ANO2: variants seen among roughly 807,000 people sequenced by gnomAD.
ANO2 encodes the protein anoctamin 2, also known as anoctamin-2.
Under a neutral mutation model 124.2 loss-of-function variants are expected in ANO2, and 101 were observed. The ratio of observed to expected loss-of-function variants is 0.81; its 90% CI spans 0.69 to 0.96. The LOEUF is 0.96. Among genes scored for constraint, ANO2 ranks in the 40% least tolerant of loss-of-function variants. ANO2 has a pLI of 0.00. For missense variants in ANO2, 1,293 were observed against 1,274.5 expected (o/e 1.01, Z -0.22); for synonymous variants, 486 against 482.5 (o/e 1.01, Z -0.09).
intron 3 of ANO2, 34 bp from the exon 4 acceptor site, chr12:5,854,175 C>T (rs1178355980): frequency 3.2e-6 from 5 of 1,573,136 alleles, no homozygotes; most frequent in South Asian, 1.1e-5. Flanking sequence ...AATGGAAACA[C>T]TTGTAAGGAC....
At chr12:5,736,561 A>G (rs1329998699) in intron 13 of ANO2, among the ~76,000 whole-genome samples, 1 of 152,196 alleles carries the variant, frequency 6.6e-6, no homozygotes, top group Non-Finnish European at 1.5e-5. Flanking sequence ...CCAGTGCCCA[A>G]GTAACATCTG....
chr12:5,794,717 TA>T (rs1301851304), intron 10 of ANO2, among the ~76,000 whole-genome samples: 1 of 152,210 alleles, frequency 6.6e-6, no homozygotes, highest in Non-Finnish European at 1.5e-5. Context: ...TCCTAGATCT[TA>T]AAGGCCATAA....
intron 7 of ANO2, among the ~76,000 whole-genome samples, chr12:5,821,397 C>A (rs749582202): frequency 1.3e-5 from 2 of 152,160 alleles, no homozygotes; most frequent in African/African-American, 4.8e-5. Context: ...TGTGTTACTC[C>A]GGCCCGTTTA....
chr12:5,681,323 C>G (rs960584874), intron 14 of ANO2, among the ~76,000 whole-genome samples: 1 of 152,176 alleles, frequency 6.6e-6, no homozygotes, highest in Non-Finnish European at 1.5e-5. Context: ...AGGTTGGTCC[C>G]TCTACCACTC....
chr12:5,874,631 C>T (rs190135971), intron 3 of ANO2, among the ~76,000 whole-genome samples: 186 of 152,306 alleles, frequency 1.2e-3, no homozygotes, highest in Admixed American at 1.7e-3. Context: ...GTGCCTCATG[C>T]GACTTGCTGT....
At chr12:5,599,433 A>G in intron 20 of ANO2, 51 bp downstream of exon 20, 2 of 1,555,954 alleles carry the variant, frequency 1.3e-6, no homozygotes, top group Non-Finnish European at 1.7e-6. Context: ...AACCCCACAG[A>G]CCCCTTGTCT....
rs368638922 is a variant in ANO2 at position 5,658,472 on chromosome 12, TATCATC to T, written c.1546-10677_1546-10672del. ...ATCAACATCATCATCATATCATCAC[TATCATC>T]ATCATCATCAATATCATCGTATCAA... On this transcript the variant is annotated intron_variant, in intron 14 of 24. Transcript: ENST00000682330. This position sits in a 1 kb window ranked among gnomAD's most constrained non-coding sequence, Gnocchi z 4.3. Among the ~76,000 whole-genome samples, 1 of 151,860 alleles carries T rather than the reference TATCATC, an allele frequency of 6.6e-6. No individual in the cohort carries two copies. The highest frequency in any genetic ancestry group is 1.5e-5 in the Non-Finnish European group (1 of 67,956).
intron 3 of ANO2, among the ~76,000 whole-genome samples, chr12:5,863,202 T>A (rs1000266198): frequency 1.3e-5 from 2 of 152,076 alleles, no homozygotes; most frequent in African/African-American, 4.8e-5. Flanking sequence ...CTCCAACATA[T>A]CAAGGGTGAG....
intron 20 of ANO2, among the ~76,000 whole-genome samples, chr12:5,580,908 AG>A (rs199924302): frequency 0.012 from 1,770 of 152,272 alleles, 34 homozygotes; most frequent in South Asian, 0.063. Context: ...CGAAATACAC[AG>A]ATTTGTCAAG....
At chr12:5,719,039 T>G (rs1665117919) in intron 14 of ANO2, among the ~76,000 whole-genome samples, 1 of 152,202 alleles carries the variant, frequency 6.6e-6, no homozygotes, top group Non-Finnish European at 1.5e-5. Flanking sequence ...TAGCTCCGTG[T>G]ATTAAATTCC....
intron 10 of ANO2, among the ~76,000 whole-genome samples, chr12:5,770,282 G>A (rs566987042): frequency 2.6e-5 from 4 of 152,282 alleles, no homozygotes; most frequent in Admixed American, 2.0e-4. Flanking sequence ...AAAGCAAAGT[G>A]AATCATATTC....
In ANO2 at chr12:5,862,221, A is replaced by G. The variant is rs1221082372; in HGVS notation, c.535-8080T>C. Among the ~76,000 whole-genome samples, 1 of 152,152 alleles carries G rather than the reference A, an allele frequency of 6.6e-6. No individual in the cohort carries two copies. The highest frequency in any genetic ancestry group is 1.5e-5 in the Non-Finnish European group (1 of 68,034). On this transcript the variant is annotated intron_variant, in intron 3 of 24. Coordinates refer to ENST00000682330, the MANE Select transcript of ANO2 (RefSeq NM_001364791.2). This position sits in a 1 kb window ranked among gnomAD's most constrained non-coding sequence, Gnocchi z 4.0. ...TCTCCTCTCCAACCCTGTCCTGCATAGGCCAAGGTGAAGGTGGCCAATAAT... is the reference window on the plus strand; with the variant it reads ...TCTCCTCTCCAACCCTGTCCTGCATGGGCCAAGGTGAAGGTGGCCAATAAT...
chr12:5,850,400 A>G (rs1954842669), intron 4 of ANO2, among the ~76,000 whole-genome samples: 1 of 138,908 alleles, frequency 7.2e-6, no homozygotes, highest in Admixed American at 7.9e-5. Flanking sequence ...TGGGTGACAG[A>G]GGGACACTCC....
At chr12:5,719,967 C>T (rs1290442403) in intron 14 of ANO2, among the ~76,000 whole-genome samples, 1 of 152,152 alleles carries the variant, frequency 6.6e-6, no homozygotes, top group Non-Finnish European at 1.5e-5. Flanking sequence ...ATCACTGGCT[C>T]AGGGTCTGCA....
chr12:5,768,844 G>T (rs954635380), intron 10 of ANO2, among the ~76,000 whole-genome samples: 2 of 152,186 alleles, frequency 1.3e-5, no homozygotes, highest in African/African-American at 4.8e-5. Flanking sequence ...TCAACAGTGG[G>T]CTGAGGAGTT....
chr12:5,590,326 T>G (rs1323639223), intron 20 of ANO2, among the ~76,000 whole-genome samples: 1 of 152,096 alleles, frequency 6.6e-6, no homozygotes, highest in Non-Finnish European at 1.5e-5. Context: ...ACACCCCAGC[T>G]CTAGAGGAAA....
At chr12:5,878,157 A>G (rs1267076444) in intron 3 of ANO2, among the ~76,000 whole-genome samples, 1 of 152,268 alleles carries the variant, frequency 6.6e-6, no homozygotes, top group Non-Finnish European at 1.5e-5. Flanking sequence ...GGGAATAATA[A>G]TTATGACTCT....
intron 3 of ANO2, among the ~76,000 whole-genome samples, chr12:5,903,568 C>A (rs1358510114): frequency 1.3e-5 from 2 of 152,052 alleles, no homozygotes; most frequent in Non-Finnish European, 2.9e-5. Flanking sequence ...TACACCAGAA[C>A]CTTCTTCTTC....
At chr12:5,746,949 T>C (rs780515854) in intron 11 of ANO2, among the ~76,000 whole-genome samples, 6 of 152,258 alleles carry the variant, frequency 3.9e-5, no homozygotes, top group Non-Finnish European at 7.3e-5. Flanking sequence ...GGAAGTTCTA[T>C]AGAGGTATCA....
Sources: allele counts gnomAD v4.1 joint callset (sites outside exome capture counted in the v4.1 genomes callset), GRCh38; gene constraint gnomAD v4.1.1; non-coding constraint Gnocchi (gnomAD v3.1); transcripts MANE v1.5; gene names NCBI Gene and HGNC (gene_info 2026-07-23, HGNC 2026-07-21).